Variants in DSG3 observed in about 807,000 individuals in gnomAD.
The protein encoded by DSG3 is desmoglein-3.
Under a neutral mutation model 85.9 loss-of-function variants are expected in DSG3, and 63 were observed. That is an observed-to-expected ratio of 0.73 (90% CI 0.60 to 0.90). The LOEUF (loss-of-function observed/expected upper bound fraction) is 0.90, where lower values mean the gene tolerates loss of function less well. DSG3 is among the 40% of genes least tolerant of loss of function. The pLI is 0.00. For synonymous variants in DSG3, 447 were observed against 441.9 expected (o/e 1.01, Z -0.14); for missense variants, 1,220 against 1,219.9 (o/e 1.00, Z 0.00).
At chr18:31,472,660 T>C in intron 13 of DSG3, 65 bp from the exon 14 acceptor site, 1 of 1,531,376 alleles carries the variant, frequency 6.5e-7, no homozygotes. Context: ...AAGGGCCACA[T>C]GTCACTATAT....
chr18:31,465,230 T>C (rs1281291795), intron 9 of DSG3, 88 bp from the exon 10 acceptor site: 5 of 908,008 alleles, frequency 5.5e-6, no homozygotes, highest in Admixed American at 3.8e-5. Flanking sequence ...TAAATATGAA[T>C]ATACTAAATA....
Position 31,466,783 on chromosome 18 carries a change from A to G in DSG3, c.1636+29A>G, listed in dbSNP as rs1568089859. ...AGTAACAGTAAAGTTGCTTCTATAA[A>G]TGCAAACTGCTCCTTTGTATTTCCA... On this transcript the variant is annotated intron_variant, in intron 11 of 15. Coordinates refer to ENST00000257189, the MANE Select transcript of DSG3 (RefSeq NM_001944.3). 3.8e-6 allele frequency: 6 copies of G among 1,569,212 alleles called. No homozygotes were observed. The South Asian group carries it at 6.7e-5, about 17-fold the overall frequency.
In DSG3 at chr18:31,476,127, C is replaced by G. The variant is rs762198178; in HGVS notation, c.2867C>G (p.Thr956Arg). 1 of 1,614,206 alleles carries G rather than the reference C, an allele frequency of 6.2e-7. No homozygotes were observed. Among genetic ancestry groups the G allele is most frequent in the African/African-American group, 1.3e-5 (1 of 75,044 alleles). Residue 956 changes from threonine (T) to arginine (R), a missense_variant, in exon 16 of 16, where the codon ACA becomes AGA. Transcript: ENST00000257189. ...ACTGCAGGCTTTGATCCACTTCTCA[C>G]ACAAAATGTGATAGTGACAGAAAGG... ...PSTAGFDPLL[T>R]QNVIVTERVI...
intron 15 of DSG3, among the ~76,000 whole-genome samples, 163 bp downstream of exon 15, chr18:31,474,567 G>T (rs1291872199): frequency 6.6e-6 from 1 of 152,064 alleles, no homozygotes; most frequent in Non-Finnish European, 1.5e-5. Context: ...ATAACCTAAG[G>T]TAGCTGTCAA....
At chr18:31,473,026 T>C (rs2072865292) in intron 14 of DSG3, among the ~76,000 whole-genome samples, 1 of 152,236 alleles carries the variant, frequency 6.6e-6, no homozygotes, top group Non-Finnish European at 1.5e-5. Flanking sequence ...TCTAAAGATC[T>C]GTTATACTTT....
intron 10 of DSG3, 133 bp downstream of exon 10, chr18:31,465,590 C>CTCA: frequency 1.1e-6 from 1 of 891,102 alleles, no homozygotes; most frequent in Non-Finnish European, 1.5e-6. Flanking sequence ...AGTGTTGGGC[C>CTCA]TCAAGTTTGA....
rs1431518636 is a variant in DSG3 at position 31,460,703 on chromosome 18, A to T, written c.685-130A>T. 39 of 825,798 alleles carry T rather than the reference A, an allele frequency of 4.7e-5. 1 individual carries two copies. In the Middle Eastern group the frequency reaches 1.9e-3, roughly 39 times the overall value. The allele number at this position is 825,798 out of a possible 1,614,324, so 51.2% of individuals were successfully genotyped here. A position where few individuals can be genotyped will look rare whatever the true frequency, so the allele number is the denominator to read the frequency against. On this transcript the variant is annotated intron_variant, in intron 6 of 15. Coordinates refer to ENST00000257189, the MANE Select transcript of DSG3 (RefSeq NM_001944.3). ...GCCCCTTAAAGACCTCCACCCAACC[A>T]TCCAGAGTCCCACAAATGTCTTCTA...
chr18:31,466,001 A>G (rs1405641274), intron 10 of DSG3, among the ~76,000 whole-genome samples: 1 of 152,322 alleles, frequency 6.6e-6, no homozygotes, highest in East Asian at 1.9e-4. Flanking sequence ...GGAAAACAAG[A>G]AAAGAAGTAG....
chr18:31,468,010 C>T (rs529232184), intron 11 of DSG3, among the ~76,000 whole-genome samples: 4 of 152,310 alleles, frequency 2.6e-5, no homozygotes, highest in Middle Eastern at 3.4e-3. Flanking sequence ...ACATACCTGC[C>T]CAGGTGTGGC....
At chr18:31,457,567 TTC>T (rs2072753403) in intron 3 of DSG3, among the ~76,000 whole-genome samples, 1 of 106,060 alleles carries the variant, frequency 9.4e-6, no homozygotes, top group Non-Finnish European at 1.8e-5. Context: ...CTTTCTTTCT[TTC>T]TTTCTTTCTT....
chr18:31,467,818 C>G (rs1368867917), intron 11 of DSG3, among the ~76,000 whole-genome samples: 2 of 152,164 alleles, frequency 1.3e-5, no homozygotes, highest in East Asian at 3.9e-4. Context: ...GCAGCCACTG[C>G]CAGAGTTACC....
At chr18:31,463,511 G>A (rs1196873100) in intron 8 of DSG3, among the ~76,000 whole-genome samples, 1 of 152,144 alleles carries the variant, frequency 6.6e-6, no homozygotes, top group African/African-American at 2.4e-5. Context: ...ACCTCAATAA[G>A]GGGATCAAAC....
intron 15 of DSG3, 66 bp from the exon 16 acceptor site, chr18:31,475,580 C>G: frequency 1.3e-6 from 2 of 1,534,596 alleles, no homozygotes; most frequent in Non-Finnish European, 1.7e-6. Context: ...GTTCTACAAA[C>G]AGTATTATAT....
In DSG3 at chr18:31,458,537, C is replaced by CA. The variant is rs1568086848; in HGVS notation, c.314dup (p.Asn105LysfsTer6). The CA allele has an allele frequency of 6.2e-7, 1 of 1,613,984 alleles. No homozygotes were observed. Among genetic ancestry groups the CA allele is most frequent in the East Asian group, 2.2e-5 (1 of 44,884 alleles). On this transcript the variant is annotated frameshift_variant, in exon 4 of 16. Coordinates refer to ENST00000257189, the MANE Select transcript of DSG3 (RefSeq NM_001944.3). LOFTEE classifies it high-confidence loss of function. ...CGCCTTTTGGAATCTTTGTTGTTGA[C>CA]AAAAACACTGGAGATATTAACATAA... is the stretch of plus-strand genomic sequence containing the variant.
rs2072896883 is a variant in DSG3 at position 31,477,569 on chromosome 18, T to C, written c.*1309T>C. On this transcript the variant is annotated 3_prime_UTR_variant, in exon 16 of 16. Coordinates refer to ENST00000257189, the MANE Select transcript of DSG3 (RefSeq NM_001944.3). The stretch of plus-strand genomic sequence containing the variant: ...GTCAAAAAGGGATATGGAAAGGGAA[T>C]TATGAGTAACCTCTATTTTTTAAGC... The C allele has an allele frequency of 6.6e-6, 1 of 152,226 alleles. No individual in the cohort carries two copies. The highest frequency in any genetic ancestry group is 2.4e-5 in the African/African-American group (1 of 41,466). The allele number at this position is 152,226 out of a possible 1,614,324, so 9.4% of individuals were successfully genotyped here. A position where few individuals can be genotyped will look rare whatever the true frequency, so the allele number is the denominator to read the frequency against.
At chr18:31,458,420 A>C in intron 3 of DSG3, 25 bp from the exon 4 acceptor site, 1 of 1,609,348 alleles carries the variant, frequency 6.2e-7, no homozygotes, top group Non-Finnish European at 8.5e-7. Flanking sequence ...GGTCACCTCA[A>C]CGTTTTTGGT....
At chr18:31,451,975 G>C (rs1482281764) in intron 1 of DSG3, among the ~76,000 whole-genome samples, 3 of 152,170 alleles carry the variant, frequency 2.0e-5, no homozygotes, top group Non-Finnish European at 2.9e-5. Context: ...ATCACAAGAT[G>C]AATAATTGAA....
Position 31,459,982 on chromosome 18 carries a change from C to T in DSG3, c.655C>T (p.Arg219Cys), listed in dbSNP as rs779202575. The T allele has an allele frequency of 1.5e-5, 25 of 1,613,706 alleles. No individual in the cohort carries two copies. Among genetic ancestry groups the T allele is most frequent in the Middle Eastern group, 1.6e-4 (1 of 6,084 alleles). ...FLLSRNTGEV[R>C]TLTNSLDREQ... The stretch of plus-strand genomic sequence containing the variant: ...CCTAAGCAGAAACACTGGGGAAGTC[C>T]GTACTTTGACCAATTCTCTTGACCG... Residue 219 changes from arginine (R) to cysteine (C), a missense_variant, in exon 6 of 16, where the codon CGT becomes TGT. Transcript: ENST00000257189.
In DSG3 at chr18:31,470,379, AAATTGCTATAGATACAGCT is replaced by A. The variant is rs376015723; in HGVS notation, c.1897+1037_1897+1055del. 2.3e-3 allele frequency among the ~76,000 whole-genome samples: 356 copies of A among 152,298 alleles called. 3 individuals carry two copies. Among genetic ancestry groups the A allele is most frequent in the African/African-American group, 8.4e-3 (349 of 41,580 alleles). On this transcript the variant is annotated intron_variant, in intron 12 of 15. Coordinates refer to ENST00000257189, the MANE Select transcript of DSG3 (RefSeq NM_001944.3). ...CAGGTCCCTTTTTTTAAAAAGAAAT[AAATTGCTATAGATACAGCT>A]AATTGCCACACATGCTATATTTTTC...
Sources: allele counts gnomAD v4.1 joint callset (sites outside exome capture counted in the v4.1 genomes callset), GRCh38; gene constraint gnomAD v4.1.1; transcripts MANE v1.5; gene names NCBI Gene and HGNC (gene_info 2026-07-23, HGNC 2026-07-21).